GTF2IRD1: variants seen among roughly 807,000 people sequenced by gnomAD.
GTF2IRD1 encodes the protein general transcription factor II-I repeat domain-containing protein 1.
Under a neutral mutation model 113.2 loss-of-function variants are expected in GTF2IRD1, and 26 were observed. That is an observed-to-expected ratio of 0.23 (90% CI 0.17 to 0.32). The LOEUF (loss-of-function observed/expected upper bound fraction) is 0.32. GTF2IRD1 is among the 10% of genes least tolerant of loss of function. The probability of loss-of-function intolerance (pLI) is 1.00; values close to 1 mark genes in which losing one functional copy is unlikely to be tolerated. For missense variants in GTF2IRD1, 864 were observed against 1,280.8 expected, an observed-to-expected ratio of 0.67 and a Z score of 4.97; for synonymous variants, 484 against 529.1, an observed-to-expected ratio of 0.91 and a Z score of 1.17.
intron 1 of GTF2IRD1, among the ~76,000 whole-genome samples, chr7:74,477,769 G>A (rs568530590): frequency 3.9e-5 from 6 of 152,264 alleles, no homozygotes; most frequent in Non-Finnish European, 8.8e-5. Flanking sequence ...GGCTCAGGCG[G>A]GCAGGGCTGG....
chr7:74,597,959 C>G (rs1410225108), intron 25 of GTF2IRD1, among the ~76,000 whole-genome samples: 3 of 152,216 alleles, frequency 2.0e-5, no homozygotes, highest in Non-Finnish European at 4.4e-5. Flanking sequence ...ACCTGGAACT[C>G]CACAGCCTGG....
chr7:74,581,311 C>T (rs1801407722), intron 22 of GTF2IRD1, among the ~76,000 whole-genome samples: 2 of 152,154 alleles, frequency 1.3e-5, no homozygotes, highest in African/African-American at 2.4e-5. Context: ...CATGAGCCAC[C>T]GCATGCCCGG....
chr7:74,517,621 T>C (rs1301409368), intron 4 of GTF2IRD1, among the ~76,000 whole-genome samples: 1 of 151,794 alleles, frequency 6.6e-6, no homozygotes, highest in Non-Finnish European at 1.5e-5. Flanking sequence ...GGTTTCATCA[T>C]GTTGGCCAGG....
chr7:74,515,175 AG>A lies in GTF2IRD1; in HGVS notation c.266-263del, dbSNP rs587687792. Among the ~76,000 whole-genome samples, 9 of 152,238 alleles carry A rather than the reference AG, an allele frequency of 5.9e-5. No homozygotes were observed. The East Asian group carries it at 1.7e-3, about 29-fold the overall frequency. On this transcript the variant is annotated intron_variant, in intron 3 of 26. Transcript: ENST00000424337. ...TCACAGACTGAGGCTCAGAGAGAGA[AG>A]GGACTAACCCAAGGTCACACAGCAA...
chr7:74,535,392 AG>A (rs782406929), intron 10 of GTF2IRD1, among the ~76,000 whole-genome samples: 6 of 152,204 alleles, frequency 3.9e-5, no homozygotes, highest in Non-Finnish European at 8.8e-5. Flanking sequence ...AACCGGTGCC[AG>A]GTTGGTGAAC....
intron 9 of GTF2IRD1, among the ~76,000 whole-genome samples, chr7:74,534,371 G>A (rs1430250268): frequency 1.3e-5 from 2 of 152,224 alleles, no homozygotes; most frequent in Non-Finnish European, 2.9e-5. Flanking sequence ...GGAGGCTGAG[G>A]CAGGTGGATC....
At chr7:74,456,988 T>TTTTTTTTC (rs1376992836) in intron 1 of GTF2IRD1, among the ~76,000 whole-genome samples, 1 of 151,868 alleles carries the variant, frequency 6.6e-6, no homozygotes, top group South Asian at 2.1e-4. Context: ...ATGTCCTCTC[T>TTTTTTTTC]TTTTTTTCTT....
At chr7:74,551,528 C>T (rs1255500734) in intron 17 of GTF2IRD1, among the ~76,000 whole-genome samples, 1 of 152,104 alleles carries the variant, frequency 6.6e-6, no homozygotes, top group Non-Finnish European at 1.5e-5. Context: ...GAGATAACTG[C>T]TGTGACAGGA....
intron 9 of GTF2IRD1, among the ~76,000 whole-genome samples, chr7:74,532,058 T>TA (rs1797991364): frequency 1.3e-5 from 2 of 152,274 alleles, no homozygotes; most frequent in African/African-American, 4.8e-5. Flanking sequence ...GAACTGTGCT[T>TA]AGAGGCTGGC....
chr7:74,478,527 C>T (rs1260402507), intron 1 of GTF2IRD1, among the ~76,000 whole-genome samples: 1 of 152,180 alleles, frequency 6.6e-6, no homozygotes, highest in Non-Finnish European at 1.5e-5. Context: ...GCGATCATAG[C>T]TCACTGTAGC....
chr7:74,537,097 T>A lies in GTF2IRD1; in HGVS notation c.1409+822T>A, dbSNP rs587655388. ...CTGCACTCCAGCCTGGGCAACAGAG[T>A]AAAGACCTTGTTTCAAAAATACAAA... On this transcript the variant is annotated intron_variant, in intron 11 of 26. Transcript: ENST00000424337. Among the ~76,000 whole-genome samples, 20 of 127,836 alleles carry A rather than the reference T, an allele frequency of 1.6e-4. No individual in the cohort carries two copies. The South Asian group carries it at 2.3e-3, about 15-fold the overall frequency. The allele number at this position is 127,836 out of a possible 152,430, so 83.9% of individuals were successfully genotyped here. A position where few individuals can be genotyped will look rare whatever the true frequency, so the allele number is the denominator to read the frequency against.
chr7:74,510,740 CAT>C (rs1796580167), intron 2 of GTF2IRD1, among the ~76,000 whole-genome samples: 1 of 152,062 alleles, frequency 6.6e-6, no homozygotes, highest in Non-Finnish European at 1.5e-5. Context: ...AGAATGTTTT[CAT>C]AGTCATAGAA....
At chr7:74,571,066 G>A (rs2130867144) in intron 22 of GTF2IRD1, 2 of 982,366 alleles carry the variant, frequency 2.0e-6, no homozygotes, top group Non-Finnish European at 2.4e-6. Context: ...AGCAGTCCCT[G>A]CCAGCTTGAG....
At chr7:74,577,574 T>G (rs782263458) in intron 22 of GTF2IRD1, among the ~76,000 whole-genome samples, 20 of 152,184 alleles carry the variant, frequency 1.3e-4, no homozygotes, top group Non-Finnish European at 2.9e-4. Flanking sequence ...TAATACATGG[T>G]CTTTATTCAA....
chr7:74,494,223 G>A lies in GTF2IRD1; in HGVS notation c.-6-13852G>A, dbSNP rs908938233. ...TTGGAGGCTGCAGTGAGCTACGATCGCACCACGGCACTCCAGCCTGGGCAA... is the reference window on the plus strand; with the variant it reads ...TTGGAGGCTGCAGTGAGCTACGATCACACCACGGCACTCCAGCCTGGGCAA... On this transcript the variant is annotated intron_variant, in intron 1 of 26. Transcript: ENST00000424337. Among the ~76,000 whole-genome samples the A allele has an allele frequency of 3.9e-5, 6 of 152,294 alleles. No individual in the cohort carries two copies. In the East Asian group the frequency reaches 5.8e-4, roughly 15 times the overall value.
intron 1 of GTF2IRD1, among the ~76,000 whole-genome samples, chr7:74,483,798 T>C (rs968267707): frequency 2.6e-5 from 4 of 152,000 alleles, no homozygotes; most frequent in South Asian, 2.1e-4. Flanking sequence ...GAGGGTGCAG[T>C]GAGCCATAAT....
intron 1 of GTF2IRD1, among the ~76,000 whole-genome samples, chr7:74,480,490 G>C (rs950357229): frequency 6.6e-6 from 1 of 152,212 alleles, no homozygotes; most frequent in Non-Finnish European, 1.5e-5. Flanking sequence ...AGTCCCCGCC[G>C]GCTGACAGCC....
chr7:74,511,716 C>T (rs577665535), intron 2 of GTF2IRD1, among the ~76,000 whole-genome samples: 165 of 152,216 alleles, frequency 1.1e-3, no homozygotes, highest in African/African-American at 3.8e-3. Flanking sequence ...CACAGAACTG[C>T]GTTTGGAAGC....
At chr7:74,564,838 C>T (rs587730637) in intron 22 of GTF2IRD1, among the ~76,000 whole-genome samples, 30 of 151,594 alleles carry the variant, frequency 2.0e-4, no homozygotes, top group African/African-American at 7.2e-4. Context: ...AGTTTCCCCA[C>T]TAAAATCTAG....
Sources: allele counts gnomAD v4.1 joint callset (sites outside exome capture counted in the v4.1 genomes callset), GRCh38; gene constraint gnomAD v4.1.1; transcripts MANE v1.5; gene names NCBI Gene and HGNC (gene_info 2026-07-23, HGNC 2026-07-21).